The following DTD1 variants were observed in gnomAD, a reference collection of about 807,000 sequenced individuals.
DTD1 encodes D-aminoacyl-tRNA deacylase 1, also known as D-tyrosyl-tRNA deacylase 1 homolog.
In DTD1, 13 loss-of-function variants were observed where a neutral mutation model predicts 25.6. The ratio of observed to expected loss-of-function variants is 0.51; its 90% confidence interval spans 0.33 to 0.81. The LOEUF (loss-of-function observed/expected upper bound fraction) is 0.81, where lower values mean the gene tolerates loss of function less well. Among genes scored for constraint, DTD1 ranks in the 30% least tolerant of loss-of-function variants. The pLI is 0.02. For missense variants in DTD1, 193 were observed against 266.4 expected, an observed-to-expected ratio of 0.72 and a Z score of 1.92; for synonymous variants, 110 against 103.6, an observed-to-expected ratio of 1.06 and a Z score of -0.37.
At chr20:18,672,325 A>G (rs546452618) in intron 4 of DTD1, among the ~76,000 whole-genome samples, 1 of 152,358 alleles carries the variant, frequency 6.6e-6, no homozygotes, top group Non-Finnish European at 1.5e-5. Context: ...CTTATGAACC[A>G]ATTAAGTCCT....
intron 4 of DTD1, chr20:18,632,722 C>A (rs1488480517): frequency 3.3e-6 from 3 of 917,936 alleles, no homozygotes; most frequent in Admixed American, 1.2e-4. Flanking sequence ...TTAGCAGGTT[C>A]TTTTAAAATA....
chr20:18,712,475 C>T (rs565122829), intron 4 of DTD1, among the ~76,000 whole-genome samples: 139 of 152,084 alleles, frequency 9.1e-4, no homozygotes, highest in Non-Finnish European at 1.6e-3. Flanking sequence ...TCCTTGCTCC[C>T]GCAGTGGTCT....
chr20:18,590,835 T>A (rs2060586651), intron 1 of DTD1, among the ~76,000 whole-genome samples: 1 of 152,212 alleles, frequency 6.6e-6, no homozygotes, highest in African/African-American at 2.4e-5. Flanking sequence ...TAAAAGTTTA[T>A]TATGGCACAT....
At chr20:18,668,472 C>T (rs1404588556) in intron 4 of DTD1, among the ~76,000 whole-genome samples, 1 of 152,102 alleles carries the variant, frequency 6.6e-6, no homozygotes, top group Non-Finnish European at 1.5e-5. Context: ...AATCCTGCCA[C>T]TGTTAGGGGT....
chr20:18,674,436 A>G (rs2060962447), intron 4 of DTD1: 1 of 152,230 alleles, frequency 6.6e-6, no homozygotes, highest in Non-Finnish European at 1.5e-5. Flanking sequence ...TCAAGAACAA[A>G]TATCAAAAGG....
intron 4 of DTD1, among the ~76,000 whole-genome samples, chr20:18,651,758 T>G (rs1183779617): frequency 6.6e-6 from 1 of 152,128 alleles, no homozygotes; most frequent in African/African-American, 2.4e-5. Flanking sequence ...TAGCTAAGAT[T>G]GAGAACCGTG....
At chr20:18,606,728 T>G in intron 3 of DTD1, among the ~76,000 whole-genome samples, 1 of 124,216 alleles carries the variant, frequency 8.1e-6, no homozygotes, top group African/African-American at 3.1e-5. Flanking sequence ...AATTGAACAG[T>G]GAGATCACAT....
chr20:18,648,808 A>G (rs993102611), intron 4 of DTD1, among the ~76,000 whole-genome samples: 13 of 151,922 alleles, frequency 8.6e-5, no homozygotes, highest in African/African-American at 2.7e-4. Context: ...CATTCTGGCT[A>G]ACACGGTGAA....
chr20:18,743,621 C>G (rs1399346150), intron 4 of DTD1, among the ~76,000 whole-genome samples: 1 of 143,678 alleles, frequency 7.0e-6, no homozygotes, highest in Non-Finnish European at 1.5e-5. Context: ...CTGCAGTGAA[C>G]TGTGACCGCA....
chr20:18,633,397 C>T (rs571231903), intron 4 of DTD1, among the ~76,000 whole-genome samples: 12 of 152,208 alleles, frequency 7.9e-5, no homozygotes, highest in East Asian at 5.8e-4. Flanking sequence ...GCCCCTTCGG[C>T]TACTCTACTC....
chr20:18,633,051 T>C (rs932150728), intron 4 of DTD1, among the ~76,000 whole-genome samples: 3 of 152,080 alleles, frequency 2.0e-5, no homozygotes, highest in Admixed American at 6.5e-5. Context: ...GTGAAAGAGG[T>C]GGACAGCATA....
intron 4 of DTD1, among the ~76,000 whole-genome samples, chr20:18,715,187 C>T (rs2061175209): frequency 6.6e-6 from 1 of 152,098 alleles, no homozygotes; most frequent in African/African-American, 2.4e-5. Flanking sequence ...TGTCCCCTCC[C>T]CCACTCCATT....
intron 5 of DTD1, among the ~76,000 whole-genome samples, chr20:18,755,322 A>G (rs1404368463): frequency 1.3e-5 from 2 of 152,210 alleles, no homozygotes; most frequent in Non-Finnish European, 2.9e-5. Context: ...CACAACGTGC[A>G]GGTTTGTTAC....
chr20:18,613,155 G>C (rs868798985), intron 3 of DTD1, among the ~76,000 whole-genome samples: 2 of 152,184 alleles, frequency 1.3e-5, no homozygotes, highest in Middle Eastern at 3.4e-3. Context: ...TCTGCTGGGG[G>C]AGATGTTATT....
At chr20:18,672,010 G>T (rs2122390902) in intron 4 of DTD1, among the ~76,000 whole-genome samples, 1 of 152,254 alleles carries the variant, frequency 6.6e-6, no homozygotes, top group South Asian at 2.1e-4. Context: ...GAGGTGGGAG[G>T]ATCACTTGAG....
chr20:18,733,877 T>A (rs2061247131), intron 4 of DTD1, among the ~76,000 whole-genome samples: 1 of 152,246 alleles, frequency 6.6e-6, no homozygotes, highest in Admixed American at 6.5e-5. Context: ...ACCAGTTGAT[T>A]TAAAAATAAT....
chr20:18,591,725 T>A (rs963091663), intron 1 of DTD1, among the ~76,000 whole-genome samples: 1 of 152,146 alleles, frequency 6.6e-6, no homozygotes, highest in Admixed American at 6.5e-5. Flanking sequence ...TTGGGAAAAA[T>A]TTAGAAAGTA....
At chr20:18,748,097 G>A (rs1333858644) in intron 5 of DTD1, among the ~76,000 whole-genome samples, 2 of 151,936 alleles carry the variant, frequency 1.3e-5, no homozygotes, top group South Asian at 2.1e-4. Flanking sequence ...CTTAATGAAC[G>A]GGAGAGGGAG....
intron 4 of DTD1, among the ~76,000 whole-genome samples, chr20:18,738,736 C>T (rs1286244997): frequency 3.9e-5 from 6 of 152,158 alleles, no homozygotes; most frequent in Non-Finnish European, 8.8e-5. Flanking sequence ...AAGTAGGAGA[C>T]TCCTGCCAGC....
Sources: allele counts gnomAD v4.1 joint callset (sites outside exome capture counted in the v4.1 genomes callset), GRCh38; gene constraint gnomAD v4.1.1; transcripts MANE v1.5; gene names NCBI Gene and HGNC (gene_info 2026-07-23, HGNC 2026-07-21).